Variants in METAP1D observed in about 807,000 individuals in gnomAD.
METAP1D encodes the protein methionine aminopeptidase 1D, mitochondrial.
In METAP1D, 31 loss-of-function variants were observed where a neutral mutation model predicts 40.5. The observed-to-expected ratio is 0.77, with a 90% CI of 0.58 to 1.03. The LOEUF (loss-of-function observed/expected upper bound fraction) is 1.03, where lower values mean the gene tolerates loss of function less well. Among genes scored for constraint, METAP1D ranks in the 50% least tolerant of loss-of-function variants. METAP1D has a pLI of 0.00. For synonymous variants in METAP1D, 151 were observed against 146.4 expected, an observed-to-expected ratio of 1.03 and a Z score of -0.22; for missense variants, 411 against 420.7, an observed-to-expected ratio of 0.98 and a Z score of 0.20.
Position 172,061,533 on chromosome 2 carries a change from A to G in METAP1D, c.76A>G (p.Ile26Val). The change falls in exon 2 of 10, where the codon ATC (isoleucine) becomes GTC (valine). Residue 26 changes from isoleucine to valine, a missense_variant. Transcript: ENST00000315796. ...HRIFSSPLNH[I>V]YLHKQSSSQQ... ...AATTTTCTCTTCACCACTCAATCAT[A>G]TCTACTTACACAAGCAGTCAAGCAG... 1 of 1,613,646 alleles carries G rather than the reference A, an allele frequency of 6.2e-7. No individual in the cohort carries two copies. Among genetic ancestry groups the G allele is most frequent in the Non-Finnish European group, 8.5e-7 (1 of 1,179,840 alleles).
intron 1 of METAP1D, among the ~76,000 whole-genome samples, chr2:172,001,971 T>A (rs763521816): frequency 1.4e-5 from 2 of 147,818 alleles, no homozygotes; most frequent in African/African-American, 5.0e-5. Flanking sequence ...TGGCACATGC[T>A]GGTAATCCCA....
chr2:172,072,410 T>C (rs1206629969), intron 6 of METAP1D: 1 of 167,394 alleles, frequency 6.0e-6, no homozygotes, highest in Non-Finnish European at 1.5e-5. Context: ...TCTGCATTCA[T>C]GGCTGTGTCT....
intron 1 of METAP1D, among the ~76,000 whole-genome samples, chr2:172,021,524 T>C (rs533221469): frequency 8.5e-5 from 13 of 152,244 alleles, no homozygotes; most frequent in Non-Finnish European, 1.9e-4. Context: ...TTTTCTTGCA[T>C]TTCTGAAAAA....
chr2:172,032,002 A>G (rs1172970176), intron 1 of METAP1D, among the ~76,000 whole-genome samples: 1 of 152,232 alleles, frequency 6.6e-6, no homozygotes, highest in Non-Finnish European at 1.5e-5. Context: ...TGGGGCACCA[A>G]GCATGCCCTC....
At chr2:172,065,577 G>T (rs772304693) in intron 3 of METAP1D, 27 bp from the exon 4 acceptor site, 67 of 1,609,516 alleles carry the variant, frequency 4.2e-5, no homozygotes, top group Non-Finnish European at 5.4e-5. Flanking sequence ...AATTGTTGCT[G>T]CACAATTTCT....
chr2:172,075,725 G>A (rs1690524478), intron 6 of METAP1D, among the ~76,000 whole-genome samples: 1 of 152,144 alleles, frequency 6.6e-6, no homozygotes, highest in South Asian at 2.1e-4. Flanking sequence ...GTTCCAGTAA[G>A]TGCTAAAAAC....
intron 1 of METAP1D, among the ~76,000 whole-genome samples, chr2:172,019,414 A>AT (rs1319798374): frequency 3.3e-5 from 5 of 152,120 alleles, no homozygotes; most frequent in African/African-American, 4.8e-5. Flanking sequence ...ATAGAATACT[A>AT]TTTTTAAAAA....
intron 1 of METAP1D, among the ~76,000 whole-genome samples, chr2:172,045,733 A>ATG (rs1177519361): frequency 2.8e-5 from 2 of 70,962 alleles, no homozygotes; most frequent in African/African-American, 9.6e-5. Context: ...GTGTGTGTGT[A>ATG]TATATATGTG....
chr2:172,036,493 G>A (rs1054289282), intron 1 of METAP1D, among the ~76,000 whole-genome samples: 22 of 149,974 alleles, frequency 1.5e-4, no homozygotes, highest in African/African-American at 4.6e-4. Context: ...AACCTCCCAA[G>A]TAGCAGGGAC....
At chr2:172,012,277 C>G (rs955138416) in intron 1 of METAP1D, among the ~76,000 whole-genome samples, 5 of 152,202 alleles carry the variant, frequency 3.3e-5, no homozygotes, top group Non-Finnish European at 7.3e-5. Flanking sequence ...CTTCTGTCCT[C>G]TCTCCCCTAC....
At chr2:172,040,017 C>T (rs1171161739) in intron 1 of METAP1D, among the ~76,000 whole-genome samples, 1 of 149,996 alleles carries the variant, frequency 6.7e-6, no homozygotes, top group African/African-American at 2.5e-5. Flanking sequence ...CAGAGTCTCG[C>T]CCTGTCGCCC....
chr2:172,036,282 A>T (rs148913951), intron 1 of METAP1D, among the ~76,000 whole-genome samples: 25,093 of 144,552 alleles, frequency 0.17, 2,522 homozygotes, highest in South Asian at 0.26. Context: ...GCGCCATTGC[A>T]CTCCAGCCTG....
rs529472268 is a variant in METAP1D, at chr2:172,041,360, G to T, written c.41-20138G>T. 1.1e-4 allele frequency among the ~76,000 whole-genome samples: 14 copies of T among 130,648 alleles called. No individual in the cohort carries two copies. In the East Asian group the frequency reaches 2.7e-3, roughly 25 times the overall value. The allele number at this position is 130,648 out of a possible 152,430, so 85.7% of individuals were successfully genotyped here. ...TATAGTCCCAGCTACGTGGGAGGCT[G>T]AGGCATAAGAATCGCTTGAATCCAG... On this transcript the variant is annotated intron_variant, in intron 1 of 9. Transcript: ENST00000315796.
At chr2:172,018,729 A>AC (rs1159402785) in intron 1 of METAP1D, among the ~76,000 whole-genome samples, 3 of 151,626 alleles carry the variant, frequency 2.0e-5, no homozygotes, top group Non-Finnish European at 4.4e-5. Flanking sequence ...ATGCTAGGAC[A>AC]CCCCCCATCC....
intron 1 of METAP1D, among the ~76,000 whole-genome samples, chr2:172,002,284 A>G (rs1410005798): frequency 6.6e-6 from 1 of 151,990 alleles, no homozygotes; most frequent in East Asian, 1.9e-4. Flanking sequence ...GTATAAACGT[A>G]TTTTTATATG....
rs924945152 is a variant in METAP1D, at chr2:172,082,243, T to G, written c.*1837T>G. 20 of 152,196 alleles carry G rather than the reference T, an allele frequency of 1.3e-4. No individual in the cohort carries two copies. The highest frequency in any genetic ancestry group is 4.6e-4 in the African/African-American group (19 of 41,434). The allele number at this position is 152,196 out of a possible 1,614,324, so 9.4% of individuals were successfully genotyped here. A position where few individuals can be genotyped will look rare whatever the true frequency, so the allele number is the denominator to read the frequency against. The stretch of plus-strand genomic sequence containing the variant: ...CAGTTTTCTCCTAAGGCAATCAGAT[T>G]GCAACCATTAGCATTGTATCTTATC... On this transcript the variant is annotated 3_prime_UTR_variant, in exon 10 of 10. Coordinates refer to ENST00000315796, the MANE Select transcript of METAP1D (RefSeq NM_199227.3).
chr2:172,004,261 A>T (rs895207811), intron 1 of METAP1D, among the ~76,000 whole-genome samples: 2 of 151,944 alleles, frequency 1.3e-5, no homozygotes, highest in East Asian at 3.8e-4. Context: ...CTGCCCTGAG[A>T]TCCTTGCTAT....
Position 172,081,466 on chromosome 2 carries a change from G to T in METAP1D, c.*1060G>T, listed in dbSNP as rs1690714702. Reference sequence around the variant, plus strand: ...AAGCTTGCGAGTTGAGCTCCAGTTCGGCCGGCAGTTCCATCCCGCTTCAGG... The same window carrying T: ...AAGCTTGCGAGTTGAGCTCCAGTTCTGCCGGCAGTTCCATCCCGCTTCAGG... On this transcript the variant is annotated 3_prime_UTR_variant, in exon 10 of 10. Coordinates refer to ENST00000315796, the MANE Select transcript of METAP1D (RefSeq NM_199227.3). 1.3e-5 allele frequency: 2 copies of T among 152,256 alleles called. No individual in the cohort carries two copies. The highest frequency in any genetic ancestry group is 4.1e-4 in the South Asian group (2 of 4,826). 9.4% of individuals were successfully genotyped at this position (152,256 alleles called of 1,614,324 possible).
chr2:172,065,930 A>G (rs1276077497), intron 4 of METAP1D, among the ~76,000 whole-genome samples, 178 bp downstream of exon 4: 1 of 152,226 alleles, frequency 6.6e-6, no homozygotes, highest in Non-Finnish European at 1.5e-5. Context: ...CACCACCACC[A>G]TTTAATGTTT....
Sources: allele counts gnomAD v4.1 joint callset (sites outside exome capture counted in the v4.1 genomes callset), GRCh38; gene constraint gnomAD v4.1.1; transcripts MANE v1.5; gene names NCBI Gene and HGNC (gene_info 2026-07-23, HGNC 2026-07-21).